LRP1B: variants seen among roughly 807,000 people sequenced by gnomAD.
LRP1B encodes the protein low-density lipoprotein receptor-related protein 1B.
Under a neutral mutation model 556.6 loss-of-function variants are expected in LRP1B, and 217 were observed. That is an observed-to-expected ratio of 0.39 (90% CI 0.35 to 0.44). LRP1B has a LOEUF of 0.44. LRP1B is among the 20% of genes least tolerant of loss of function. The pLI is 1.00. For synonymous variants in LRP1B, 2,047 were observed against 1,865.8 expected (o/e 1.10, Z -2.50); for missense variants, 5,053 against 5,620.8 (o/e 0.90, Z 3.23).
At chr2:140,338,841 C>T (rs1681230292) in intron 77 of LRP1B, among the ~76,000 whole-genome samples, 1 of 151,480 alleles carries the variant, frequency 6.6e-6, no homozygotes, top group Admixed American at 6.6e-5. Flanking sequence ...ACAAGCATAC[C>T]AGATTGGAGA....
rs140109209 is a variant in LRP1B at position 141,404,920 on chromosome 2, C to T, written c.343+75476G>A. Among the ~76,000 whole-genome samples the T allele has an allele frequency of 3.6e-3, 537 of 150,728 alleles. 2 individuals are homozygous for T. The highest frequency in any genetic ancestry group is 0.011 in the African/African-American group (469 of 41,120). ...TTTTTACCATAGATATTTTTAATGA[C>T]CATTAAAAAACACGAAGAATAGTTA... On this transcript the variant is annotated intron_variant, in intron 3 of 90. Coordinates refer to ENST00000389484, the MANE Select transcript of LRP1B (RefSeq NM_018557.3).
At chr2:141,303,187 G>C (rs1686459605) in intron 3 of LRP1B, among the ~76,000 whole-genome samples, 1 of 151,990 alleles carries the variant, frequency 6.6e-6, no homozygotes, top group Non-Finnish European at 1.5e-5. Context: ...ATGGAGTATT[G>C]TGATATTTTG....
At chr2:141,108,345 T>TC (rs1216540690) in intron 7 of LRP1B, among the ~76,000 whole-genome samples, 919 of 58,654 alleles carry the variant, frequency 0.016, 19 homozygotes, top group African/African-American at 0.045. Flanking sequence ...TTTTTTTTTT[T>TC]TTTTTTTTTT....
chr2:141,120,948 A>G (rs1397933608), intron 7 of LRP1B, among the ~76,000 whole-genome samples: 1 of 152,036 alleles, frequency 6.6e-6, no homozygotes, highest in Admixed American at 6.6e-5. Flanking sequence ...GCTTCTGACA[A>G]TGATAAAAAA....
At chr2:141,015,996 G>T in intron 12 of LRP1B, 81 bp from the exon 13 acceptor site, 1 of 1,053,188 alleles carries the variant, frequency 9.5e-7, no homozygotes, top group Non-Finnish European at 1.5e-6. Context: ...AGATTTGGCA[G>T]TTCCATAAAT....
At chr2:141,392,107 G>A (rs1573893065) in intron 3 of LRP1B, among the ~76,000 whole-genome samples, 1 of 152,088 alleles carries the variant, frequency 6.6e-6, no homozygotes, top group Non-Finnish European at 1.5e-5. Flanking sequence ...GATGAAGCAA[G>A]GAAACTCAGG....
intron 89 of LRP1B, among the ~76,000 whole-genome samples, chr2:140,236,316 T>C (rs1320013925): frequency 1.3e-5 from 2 of 150,830 alleles, no homozygotes; most frequent in African/African-American, 2.4e-5. Flanking sequence ...ATTGGCCACA[T>C]TGGATATTTA....
chr2:141,509,980 T>C (rs950290244), intron 2 of LRP1B, among the ~76,000 whole-genome samples: 4 of 152,020 alleles, frequency 2.6e-5, no homozygotes, highest in Non-Finnish European at 5.9e-5. Context: ...TTGTCCTCTA[T>C]CATTTAGAAA....
At chr2:141,264,730 C>T (rs1237504243) in intron 3 of LRP1B, among the ~76,000 whole-genome samples, 2 of 152,350 alleles carry the variant, frequency 1.3e-5, no homozygotes, top group Non-Finnish European at 2.9e-5. Context: ...GCTGGTATTA[C>T]AGGCATGAGC....
chr2:140,302,514 T>C (rs1683879056), intron 83 of LRP1B, among the ~76,000 whole-genome samples: 1 of 152,202 alleles, frequency 6.6e-6, no homozygotes, highest in South Asian at 2.1e-4. Flanking sequence ...ATGGTTCATT[T>C]CATGTGTCAA....
At chr2:140,769,030 G>GA (rs961651035) in intron 35 of LRP1B, among the ~76,000 whole-genome samples, 183 bp downstream of exon 35, 2 of 60,178 alleles carry the variant, frequency 3.3e-5, no homozygotes, top group Admixed American at 2.7e-4. Flanking sequence ...GATTTTACTT[G>GA]ATTTTTTTTT....
chr2:141,086,561 A>G (rs1393604393), intron 7 of LRP1B, among the ~76,000 whole-genome samples: 1 of 152,194 alleles, frequency 6.6e-6, no homozygotes, highest in African/African-American at 2.4e-5. Context: ...AGGTAAAAAT[A>G]AAAACATTTA....
intron 15 of LRP1B, among the ~76,000 whole-genome samples, chr2:141,003,379 G>A (rs1004699500): frequency 2.6e-5 from 4 of 151,962 alleles, no homozygotes; most frequent in Admixed American, 1.3e-4. Context: ...AGTCTAAATT[G>A]TAAATTGTAA....
At chr2:141,443,532 G>T (rs1681065267) in intron 3 of LRP1B, among the ~76,000 whole-genome samples, 1 of 152,226 alleles carries the variant, frequency 6.6e-6, no homozygotes, top group Admixed American at 6.5e-5. Flanking sequence ...GTATTGCCTA[G>T]GTTGTCTTCT....
At chr2:141,403,177 T>C (rs1690507029) in intron 3 of LRP1B, among the ~76,000 whole-genome samples, 1 of 152,094 alleles carries the variant, frequency 6.6e-6, no homozygotes, top group Non-Finnish European at 1.5e-5. Context: ...TACTGTCACC[T>C]ATGTAGTTGG....
At chr2:140,234,149 T>C (rs959925267) in intron 90 of LRP1B, among the ~76,000 whole-genome samples, 2 of 151,282 alleles carry the variant, frequency 1.3e-5, no homozygotes, top group African/African-American at 4.8e-5. Context: ...AGCCATGCAA[T>C]TGAGACAAAC....
At chr2:140,806,643 T>A (rs750070159) in intron 32 of LRP1B, among the ~76,000 whole-genome samples, 4 of 152,186 alleles carry the variant, frequency 2.6e-5, no homozygotes, top group African/African-American at 7.2e-5. Context: ...TTAAATGATA[T>A]GCTGACCATT....
intron 41 of LRP1B, among the ~76,000 whole-genome samples, chr2:140,656,626 G>GCGGA: frequency 6.6e-6 from 1 of 151,944 alleles, no homozygotes; most frequent in East Asian, 1.9e-4. Context: ...TTGTAATTTT[G>GCGGA]CGGACTACTT....
At chr2:141,214,491 TA>T (rs1379832589) in intron 6 of LRP1B, among the ~76,000 whole-genome samples, 1 of 152,176 alleles carries the variant, frequency 6.6e-6, no homozygotes, top group East Asian at 1.9e-4. Flanking sequence ...CACCTATATA[TA>T]AAATAGCAGA....
Sources: gnomAD v4.1 joint callset for allele counts (sites outside exome capture counted in the v4.1 genomes callset) on GRCh38, gnomAD v4.1.1 for gene constraint, MANE v1.5 for transcripts, NCBI Gene and HGNC (gene_info 2026-07-23, HGNC 2026-07-21) for gene names.